The following DPP10 variants were observed in gnomAD, a reference collection of about 807,000 sequenced individuals.
The protein encoded by DPP10 is dipeptidyl peptidase like 10, also known as inactive dipeptidyl peptidase 10.
Under a neutral mutation model 120.9 loss-of-function variants are expected in DPP10, and 33 were observed. That is an observed-to-expected ratio of 0.27 (90% CI 0.21 to 0.37). The LOEUF (loss-of-function observed/expected upper bound fraction) is 0.37, where lower values mean the gene tolerates loss of function less well. Among genes scored for constraint, DPP10 ranks in the 10% least tolerant of loss-of-function variants. The pLI is 1.00. For missense variants in DPP10, 816 were observed against 942.8 expected, an observed-to-expected ratio of 0.87 and a Z score of 1.76; for synonymous variants, 337 against 326.1, an observed-to-expected ratio of 1.03 and a Z score of -0.36.
At chr2:114,749,317 A>C (rs1223804206) in intron 1 of DPP10, among the ~76,000 whole-genome samples, 1 of 152,098 alleles carries the variant, frequency 6.6e-6, no homozygotes, top group Non-Finnish European at 1.5e-5. Flanking sequence ...CTTAGGACAA[A>C]GGGAATTTTC....
intron 1 of DPP10, among the ~76,000 whole-genome samples, chr2:114,958,861 T>C (rs1362346869): frequency 1.3e-5 from 2 of 152,174 alleles, no homozygotes; most frequent in East Asian, 1.9e-4. Context: ...TTGTGTTATA[T>C]ACAAGGTAGG....
At chr2:114,934,725 A>T (rs1277736199) in intron 1 of DPP10, among the ~76,000 whole-genome samples, 1 of 152,134 alleles carries the variant, frequency 6.6e-6, no homozygotes. Context: ...CATATATACA[A>T]GATGGCATAT....
intron 1 of DPP10, among the ~76,000 whole-genome samples, chr2:114,943,306 C>T (rs1296512528): frequency 6.6e-6 from 1 of 152,024 alleles, no homozygotes; most frequent in Non-Finnish European, 1.5e-5. Context: ...CGGAATCTTG[C>T]TCTGTCACCC....
chr2:114,469,189 T>C (rs1679686939), intron 1 of DPP10, among the ~76,000 whole-genome samples: 1 of 152,172 alleles, frequency 6.6e-6, no homozygotes, highest in Admixed American at 6.5e-5. Flanking sequence ...CCAGAAACTG[T>C]TACTGTTTTA....
intron 1 of DPP10, among the ~76,000 whole-genome samples, chr2:114,831,753 C>T (rs1687143773): frequency 6.6e-6 from 1 of 151,608 alleles, no homozygotes; most frequent in Non-Finnish European, 1.5e-5. Flanking sequence ...AAATACAGTA[C>T]CACATTCATA....
At chr2:115,722,285 T>C (rs2149614028) in intron 7 of DPP10, among the ~76,000 whole-genome samples, 1 of 151,702 alleles carries the variant, frequency 6.6e-6, no homozygotes, top group Middle Eastern at 3.4e-3. Flanking sequence ...CTCTTTGCAA[T>C]ATTTTCCTAG....
At chr2:114,752,710 G>GT (rs1214171658) in intron 1 of DPP10, among the ~76,000 whole-genome samples, 1 of 152,126 alleles carries the variant, frequency 6.6e-6, no homozygotes, top group Non-Finnish European at 1.5e-5. Context: ...TTTCTAAAAC[G>GT]TTCTGTTACT....
chr2:115,051,378 A>AGG, intron 1 of DPP10, among the ~76,000 whole-genome samples: 1 of 152,278 alleles, frequency 6.6e-6, no homozygotes, highest in Non-Finnish European at 1.5e-5. Flanking sequence ...AAGGTACTAA[A>AGG]AAAAAAAACT....
intron 3 of DPP10, among the ~76,000 whole-genome samples, chr2:115,448,341 C>A (rs1270345604): frequency 6.6e-6 from 1 of 152,110 alleles, no homozygotes; most frequent in African/African-American, 2.4e-5. Context: ...AGGCTAATGA[C>A]AAACACTACC....
chr2:115,683,900 G>C (rs1042175238), intron 5 of DPP10, among the ~76,000 whole-genome samples: 10 of 151,692 alleles, frequency 6.6e-5, no homozygotes, highest in South Asian at 4.2e-4. Flanking sequence ...TAAGATCTTA[G>C]TTCCAATTCT....
chr2:115,193,058 CT>C (rs2054997505), intron 1 of DPP10, among the ~76,000 whole-genome samples: 1 of 152,030 alleles, frequency 6.6e-6, no homozygotes, highest in Non-Finnish European at 1.5e-5. Flanking sequence ...GTATATTTTA[CT>C]TTCCTTACAC....
At chr2:114,501,736 G>A (rs564266970) in intron 1 of DPP10, among the ~76,000 whole-genome samples, 4 of 151,960 alleles carry the variant, frequency 2.6e-5, no homozygotes, top group East Asian at 1.9e-4. Flanking sequence ...GTGCTAGAGC[G>A]GTTCAATTTC....
At chr2:115,618,327 A>G (rs1273061162) in intron 5 of DPP10, among the ~76,000 whole-genome samples, 2 of 152,236 alleles carry the variant, frequency 1.3e-5, no homozygotes, top group Admixed American at 6.5e-5. Flanking sequence ...TGAGTGAACT[A>G]TCTTGGTTGC....
chr2:115,502,712 A>G (rs1208700653), intron 4 of DPP10, among the ~76,000 whole-genome samples: 1 of 152,062 alleles, frequency 6.6e-6, no homozygotes, highest in Non-Finnish European at 1.5e-5. Context: ...GTTTTTTAAG[A>G]CACAAGCTCT....
intron 7 of DPP10, among the ~76,000 whole-genome samples, chr2:115,705,153 T>C (rs2149547396): frequency 6.6e-6 from 1 of 152,088 alleles, no homozygotes; most frequent in East Asian, 1.9e-4. Flanking sequence ...ATTTGTGATA[T>C]AATCTCTTAC....
intron 5 of DPP10, among the ~76,000 whole-genome samples, chr2:115,663,887 C>T (rs550616489): frequency 5.9e-5 from 9 of 151,764 alleles, no homozygotes; most frequent in South Asian, 4.2e-4. Flanking sequence ...CCCAGCTACT[C>T]GGGAGGCTGA....
At chr2:115,815,619 T>G in intron 20 of DPP10, 56 bp from the exon 21 acceptor site, 1 of 1,456,548 alleles carries the variant, frequency 6.9e-7, no homozygotes, top group Non-Finnish European at 9.4e-7. Flanking sequence ...AACTATATAT[T>G]TATATTTGCA....
intron 1 of DPP10, among the ~76,000 whole-genome samples, chr2:114,592,218 T>C (rs908345217): frequency 2.0e-5 from 3 of 152,142 alleles, no homozygotes; most frequent in Non-Finnish European, 4.4e-5. Flanking sequence ...CAGAGAAGAA[T>C]GTAAGCAGCA....
At chr2:115,675,793 G>T (rs2090205533) in intron 5 of DPP10, among the ~76,000 whole-genome samples, 1 of 152,146 alleles carries the variant, frequency 6.6e-6, no homozygotes, top group African/African-American at 2.4e-5. Context: ...TTGGGACCCA[G>T]GTTATTGCAG....
Sources: allele counts gnomAD v4.1 joint callset (sites outside exome capture counted in the v4.1 genomes callset), GRCh38; gene constraint gnomAD v4.1.1; transcripts MANE v1.5; gene names NCBI Gene and HGNC (gene_info 2026-07-23, HGNC 2026-07-21).